The following LRBA variants were observed in gnomAD, a reference collection of about 807,000 sequenced individuals.
LRBA encodes the protein LPS responsive beige-like anchor protein.
A neutral mutation model predicts 330.0 loss-of-function variants in LRBA; 176 were observed. The observed-to-expected ratio is 0.53, with a 90% confidence interval of 0.47 to 0.60. The LOEUF is 0.60. LRBA is among the 20% of genes least tolerant of loss of function. The pLI is 0.00. For missense variants in LRBA, 3,259 were observed against 3,444.8 expected, an observed-to-expected ratio of 0.95 and a Z score of 1.35; for synonymous variants, 1,230 against 1,193.0, an observed-to-expected ratio of 1.03 and a Z score of -0.64.
chr4:150,293,676 T>G (rs904023243), intron 53 of LRBA, among the ~76,000 whole-genome samples: 9 of 152,190 alleles, frequency 5.9e-5, no homozygotes, highest in African/African-American at 2.2e-4. Context: ...ATGATACATA[T>G]AAATGTTGGT....
At chr4:150,703,651 TAACAA>T (rs1211617257) in intron 36 of LRBA, among the ~76,000 whole-genome samples, 1 of 152,126 alleles carries the variant, frequency 6.6e-6, no homozygotes, top group African/African-American at 2.4e-5. Flanking sequence ...GTAACGTCCA[TAACAA>T]AACAAAAGGT....
At chr4:150,784,954 A>G (rs1578773105) in intron 34 of LRBA, among the ~76,000 whole-genome samples, 1 of 152,198 alleles carries the variant, frequency 6.6e-6, no homozygotes, top group Non-Finnish European at 1.5e-5. Flanking sequence ...TAACCACCCA[A>G]TGGGCTCACC....
At position 150,345,248 on chromosome 4, in the gene LRBA, G is replaced by A. The variant is rs1315274815; in HGVS notation, c.7362+4744C>T. Among the ~76,000 whole-genome samples the A allele has an allele frequency of 1.3e-5, 2 of 152,184 alleles. 1 individual carries two copies. Among genetic ancestry groups the A allele is most frequent in the Non-Finnish European group, 2.9e-5 (2 of 68,028 alleles). On this transcript the variant is annotated intron_variant, in intron 48 of 56. Transcript: ENST00000651943. ...AATGAACTCTAGCTGAGGGAGGGCA[G>A]GGACTTTGCCTTTCAACCCTTTAAC... is the stretch of plus-strand genomic sequence containing the variant.
intron 47 of LRBA, among the ~76,000 whole-genome samples, chr4:150,394,074 GAGA>G (rs1203741525): frequency 3.3e-5 from 5 of 152,274 alleles, no homozygotes; most frequent in African/African-American, 9.6e-5. Context: ...TACCACAGCA[GAGA>G]AGATTTAATC....
intron 36 of LRBA, among the ~76,000 whole-genome samples, chr4:150,717,316 T>C (rs1490799680): frequency 1.3e-5 from 2 of 152,176 alleles, no homozygotes; most frequent in East Asian, 3.8e-4. Flanking sequence ...TTCACTATTT[T>C]AATAAAAATA....
intron 36 of LRBA, among the ~76,000 whole-genome samples, chr4:150,694,886 T>G (rs1300844882): frequency 6.6e-6 from 1 of 152,220 alleles, no homozygotes; most frequent in Non-Finnish European, 1.5e-5. Flanking sequence ...CTTCACACTT[T>G]TGGTAATAAA....
At chr4:150,620,341 A>G (rs1444958390) in intron 37 of LRBA, among the ~76,000 whole-genome samples, 1 of 152,122 alleles carries the variant, frequency 6.6e-6, no homozygotes, top group Non-Finnish European at 1.5e-5. Flanking sequence ...AAGGGAATGC[A>G]TATACTCTGC....
intron 17 of LRBA, among the ~76,000 whole-genome samples, chr4:150,886,380 A>G (rs563243873): frequency 1.3e-5 from 2 of 152,298 alleles, no homozygotes; most frequent in African/African-American, 4.8e-5. Flanking sequence ...AGAGTAAGAG[A>G]AAAGGGTTCT....
At chr4:150,701,994 T>C (rs1785166577) in intron 36 of LRBA, among the ~76,000 whole-genome samples, 1 of 152,018 alleles carries the variant, frequency 6.6e-6, no homozygotes, top group South Asian at 2.1e-4. Flanking sequence ...GTTTTTAAGA[T>C]AAGGTGGCCA....
At chr4:150,771,068 G>C (rs117715030) in intron 34 of LRBA, among the ~76,000 whole-genome samples, 1 of 152,076 alleles carries the variant, frequency 6.6e-6, no homozygotes, top group East Asian at 1.9e-4. Context: ...CTTAACTTCC[G>C]GTTCAATGGA....
intron 36 of LRBA, among the ~76,000 whole-genome samples, chr4:150,684,512 C>T (rs1038423729): frequency 6.6e-6 from 1 of 152,102 alleles, no homozygotes; most frequent in East Asian, 1.9e-4. Flanking sequence ...CTGAAAAGTA[C>T]TGTCTTAGAT....
intron 17 of LRBA, among the ~76,000 whole-genome samples, chr4:150,882,000 C>T (rs1483242611): frequency 2.0e-5 from 3 of 151,956 alleles, no homozygotes; most frequent in Non-Finnish European, 2.9e-5. Flanking sequence ...GCAGGAGAAT[C>T]GCTTCAACCC....
chr4:150,964,162 G>C (rs2149572832), intron 2 of LRBA, among the ~76,000 whole-genome samples: 1 of 148,850 alleles, frequency 6.7e-6, no homozygotes, highest in East Asian at 2.0e-4. Flanking sequence ...GCCCCGTCTG[G>C]GAGGTGGGGG....
intron 28 of LRBA, among the ~76,000 whole-genome samples, chr4:150,838,839 G>C (rs189482453): frequency 3.9e-5 from 6 of 152,160 alleles, no homozygotes; most frequent in Non-Finnish European, 8.8e-5. Context: ...CTGGCAAGGA[G>C]TGGCGTTCCT....
At chr4:150,473,779 C>T (rs998835101) in intron 42 of LRBA, among the ~76,000 whole-genome samples, 1 of 152,154 alleles carries the variant, frequency 6.6e-6, no homozygotes, top group African/African-American at 2.4e-5. Context: ...TCTCAGCCTC[C>T]ATGGTCATAT....
rs528331925 is a variant in LRBA at position 150,557,388 on chromosome 4, AAAT to A, written c.6330+30657_6330+30659del. On this transcript the variant is annotated intron_variant, in intron 40 of 56. Coordinates refer to ENST00000651943, the MANE Select transcript of LRBA (RefSeq NM_001364905.1). ...AGATGGAAGAAGACGCGATATGGGA[AAAT>A]AATCATTTTATAACCATCATCACTG... Among the ~76,000 whole-genome samples, 626 of 152,304 alleles carry A rather than the reference AAAT, an allele frequency of 4.1e-3. 15 individuals are homozygous for A. The highest frequency in any genetic ancestry group is 0.039 in the Admixed American group (600 of 15,292).
intron 17 of LRBA, among the ~76,000 whole-genome samples, chr4:150,875,788 A>G (rs182869608): frequency 1.3e-5 from 2 of 152,360 alleles, no homozygotes; most frequent in East Asian, 3.9e-4. Context: ...AGCATCTCCA[A>G]AGAAGGAACC....
At chr4:150,678,422 G>C (rs1262813614) in intron 37 of LRBA, among the ~76,000 whole-genome samples, 1 of 152,078 alleles carries the variant, frequency 6.6e-6, no homozygotes, top group African/African-American at 2.4e-5. Context: ...CTCTGTGGTA[G>C]AGACAGATCC....
At position 150,589,040 on chromosome 4, in the gene LRBA, TACAC is replaced by T. The variant is rs10637563; in HGVS notation, c.6194-860_6194-857del. Among the ~76,000 whole-genome samples, 210 of 146,848 alleles carry T rather than the reference TACAC, an allele frequency of 1.4e-3. 1 individual carries two copies. Among genetic ancestry groups the T allele is most frequent in the African/African-American group, 4.2e-3 (165 of 39,062 alleles). Reference sequence around the variant, plus strand: ...TATGTCTGTTATGTCTGTGTGTGTATACACACACACACACACACACACACACACA... The same window carrying T: ...TATGTCTGTTATGTCTGTGTGTGTATACACACACACACACACACACACACA... On this transcript the variant is annotated intron_variant, in intron 39 of 56. Coordinates refer to ENST00000651943, the MANE Select transcript of LRBA (RefSeq NM_001364905.1).
Sources: allele counts gnomAD v4.1 joint callset (sites outside exome capture counted in the v4.1 genomes callset), GRCh38; gene constraint gnomAD v4.1.1; transcripts MANE v1.5; gene names NCBI Gene and HGNC (gene_info 2026-07-23, HGNC 2026-07-21).